The following SPAG16 variants were observed in gnomAD, a reference collection of about 807,000 sequenced individuals.
The protein encoded by SPAG16 is sperm-associated antigen 16 protein.
Under a neutral mutation model 80.4 loss-of-function variants are expected in SPAG16, and 86 were observed. That is an observed-to-expected ratio of 1.07 (90% CI 0.90 to 1.28). The LOEUF (loss-of-function observed/expected upper bound fraction) is 1.28, where lower values mean the gene tolerates loss of function less well. Among genes scored for constraint, SPAG16 ranks in the 50% most tolerant of loss-of-function variants. The pLI is 0.00. For synonymous variants in SPAG16, 294 were observed against 265.9 expected, an observed-to-expected ratio of 1.11 and a Z score of -1.03; for missense variants, 870 against 765.3, an observed-to-expected ratio of 1.14 and a Z score of -1.61.
chr2:213,821,953 G>T (rs2072969521), intron 10 of SPAG16, among the ~76,000 whole-genome samples: 1 of 152,060 alleles, frequency 6.6e-6, no homozygotes, highest in African/African-American at 2.4e-5. Flanking sequence ...TTGGTCTATT[G>T]GTGGACACTT....
chr2:213,964,548 A>G (rs1476372054), intron 12 of SPAG16, among the ~76,000 whole-genome samples: 4 of 152,074 alleles, frequency 2.6e-5, no homozygotes, highest in Admixed American at 1.3e-4. Context: ...TGACTATGCC[A>G]TATATTGCCT....
intron 10 of SPAG16, among the ~76,000 whole-genome samples, chr2:213,820,162 C>A (rs1455919630): frequency 6.6e-6 from 1 of 151,934 alleles, no homozygotes; most frequent in African/African-American, 2.4e-5. Context: ...GCAGCTTCAA[C>A]TTCCTGGGAT....
intron 9 of SPAG16, among the ~76,000 whole-genome samples, chr2:213,462,961 A>G (rs1171368464): frequency 6.6e-6 from 1 of 152,210 alleles, no homozygotes; most frequent in Admixed American, 6.5e-5. Context: ...TCAGAAGAAG[A>G]CACAAAGATT....
intron 15 of SPAG16, among the ~76,000 whole-genome samples, chr2:214,150,604 A>G (rs1476848034): frequency 1.3e-5 from 2 of 152,098 alleles, no homozygotes; most frequent in East Asian, 1.9e-4. Context: ...ACATCCTTAA[A>G]TCCCTTTTTA....
intron 1 of SPAG16, among the ~76,000 whole-genome samples, chr2:213,286,508 T>C (rs2062061422): frequency 6.6e-6 from 1 of 152,232 alleles, no homozygotes; most frequent in Non-Finnish European, 1.5e-5. Context: ...TTTGACATTG[T>C]TTCTTAAGGC....
intron 13 of SPAG16, among the ~76,000 whole-genome samples, chr2:214,061,480 A>G (rs767967487): frequency 3.3e-5 from 5 of 152,224 alleles, no homozygotes; most frequent in Non-Finnish European, 5.9e-5. Context: ...AGGGCAGACC[A>G]GTAGGCTGGA....
intron 13 of SPAG16, among the ~76,000 whole-genome samples, chr2:214,039,770 T>C (rs2048907979): frequency 6.6e-6 from 1 of 152,222 alleles, no homozygotes; most frequent in Admixed American, 6.5e-5. Context: ...TGTTTTTGTA[T>C]TTGGCAATAA....
At chr2:214,219,968 TC>T (rs371757429) in intron 15 of SPAG16, among the ~76,000 whole-genome samples, 61,459 of 151,920 alleles carry the variant, frequency 0.4, 14,827 homozygotes, top group South Asian at 0.58. Flanking sequence ...GGCAGGTTCA[TC>T]CTCTAGAGAT....
At chr2:213,904,768 T>C (rs1406351224) in intron 11 of SPAG16, among the ~76,000 whole-genome samples, 1 of 152,116 alleles carries the variant, frequency 6.6e-6, no homozygotes, top group Non-Finnish European at 1.5e-5. Flanking sequence ...GGAAGAAAGA[T>C]AGCAAGAGCA....
intron 12 of SPAG16, among the ~76,000 whole-genome samples, chr2:213,990,212 A>G (rs915262831): frequency 6.6e-6 from 1 of 152,178 alleles, no homozygotes; most frequent in Non-Finnish European, 1.5e-5. Flanking sequence ...AATGTGTTTT[A>G]TATTTACCTT....
At chr2:213,775,672 C>T (rs748517612) in intron 10 of SPAG16, among the ~76,000 whole-genome samples, 106 of 152,304 alleles carry the variant, frequency 7.0e-4, no homozygotes, top group Non-Finnish European at 9.1e-4. Context: ...TTCTACTCTC[C>T]GCTTTTATGA....
chr2:214,314,995 G>A (rs1158846708), intron 15 of SPAG16, among the ~76,000 whole-genome samples: 1 of 151,428 alleles, frequency 6.6e-6, no homozygotes, highest in African/African-American at 2.4e-5. Flanking sequence ...AAATATGAGA[G>A]AATTCTAATG....
chr2:213,719,243 G>T (rs2125388015), intron 10 of SPAG16, among the ~76,000 whole-genome samples: 1 of 147,740 alleles, frequency 6.8e-6, no homozygotes, highest in African/African-American at 2.5e-5. Context: ...TGCTCTGGTG[G>T]GGCCTTGGAG....
In SPAG16 at chr2:214,260,433, G is replaced by A. The variant is rs55714143; in HGVS notation, c.1720+111167G>A. Among the ~76,000 whole-genome samples, 956 of 151,740 alleles carry A rather than the reference G, an allele frequency of 6.3e-3. 9 individuals are homozygous for A. Among genetic ancestry groups the A allele is most frequent in the South Asian group, 0.037 (176 of 4,804 alleles). On this transcript the variant is annotated intron_variant, in intron 15 of 15. Transcript: ENST00000331683. ...TAATAGTAAATTTGGTATCTTCTCC[G>A]TTTTCTTCCCAGGGAGTATTTCCAC...
Position 213,818,475 on chromosome 2 carries a change from A to C in SPAG16, c.1071-44010A>C, listed in dbSNP as rs552118184. Among the ~76,000 whole-genome samples the C allele has an allele frequency of 2.6e-5, 4 of 152,280 alleles. No homozygotes were observed. In the South Asian group the frequency reaches 8.3e-4, roughly 32 times the overall value. On this transcript the variant is annotated intron_variant, in intron 10 of 15. Transcript: ENST00000331683. ...TGAAGAGTGTATATGAGCCTCAAAC[A>C]TCTGGCTCTGCCTTGGGTCTCATAT...
intron 12 of SPAG16, among the ~76,000 whole-genome samples, chr2:213,949,174 T>TG (rs2079604613): frequency 1.1e-4 from 2 of 18,572 alleles, no homozygotes; most frequent in Non-Finnish European, 2.8e-4. Context: ...CAACAGTTTT[T>TG]TTTTTTTTTT....
chr2:213,859,468 T>G (rs749259059), intron 10 of SPAG16, among the ~76,000 whole-genome samples: 3 of 152,142 alleles, frequency 2.0e-5, no homozygotes, highest in Non-Finnish European at 4.4e-5. Context: ...TCTGATACAA[T>G]ACACTGGCAA....
intron 12 of SPAG16, among the ~76,000 whole-genome samples, chr2:213,984,972 T>C (rs1415747449): frequency 6.6e-6 from 1 of 152,146 alleles, no homozygotes; most frequent in African/African-American, 2.4e-5. Flanking sequence ...ACTTAAGTGG[T>C]ACCTTCCAAT....
chr2:213,715,955 C>T (rs564230971), intron 10 of SPAG16, among the ~76,000 whole-genome samples: 1 of 151,984 alleles, frequency 6.6e-6, no homozygotes, highest in African/African-American at 2.4e-5. Flanking sequence ...ACACAGTGCA[C>T]TATTGTATCT....
Sources: gnomAD v4.1 joint callset for allele counts (sites outside exome capture counted in the v4.1 genomes callset) on GRCh38, gnomAD v4.1.1 for gene constraint, MANE v1.5 for transcripts, NCBI Gene and HGNC (gene_info 2026-07-23, HGNC 2026-07-21) for gene names.